MED12L: variants seen among roughly 807,000 people sequenced by gnomAD.
MED12L encodes mediator complex subunit 12L.
MED12L carries 60 observed loss-of-function variants against 281.3 expected under a neutral mutation model. The ratio of observed to expected loss-of-function variants is 0.21; its 90% CI spans 0.17 to 0.26. MED12L has a LOEUF of 0.26. Among genes scored for constraint, MED12L ranks in the 10% least tolerant of loss-of-function variants. MED12L has a pLI of 1.00. For missense variants in MED12L, 2,146 were observed against 2,680.9 expected (o/e 0.80, Z 4.41); for synonymous variants, 974 against 987.2 (o/e 0.99, Z 0.25).
Position 151,360,459 on chromosome 3 carries a change from T to C in MED12L, c.2826-15T>C, listed in dbSNP as rs1447882953. On this transcript the variant is annotated splice_polypyrimidine_tract_variant and intron_variant, in intron 20 of 44. Transcript: ENST00000687756. ...CAAATCTATGTCTTATTTCTTCGTA[T>C]ATTTTTCTCCTCAGGTTGTGTGGTG... 1.1e-5 allele frequency: 18 copies of C among 1,609,038 alleles called. No individual in the cohort carries two copies.
intron 16 of MED12L, among the ~76,000 whole-genome samples, chr3:151,203,795 A>G (rs533147141): frequency 1.4e-3 from 210 of 152,124 alleles, no homozygotes; most frequent in Non-Finnish European, 2.6e-3. Flanking sequence ...AATTTTTTCT[A>G]TGCTTATGTA....
intron 16 of MED12L, among the ~76,000 whole-genome samples, chr3:151,239,363 T>A (rs1207742075): frequency 6.6e-6 from 1 of 152,158 alleles, no homozygotes; most frequent in Non-Finnish European, 1.5e-5. Flanking sequence ...AAGAAGAAAA[T>A]CCAGAAGGCC....
intron 16 of MED12L, among the ~76,000 whole-genome samples, chr3:151,285,755 C>T (rs987865009): frequency 6.6e-6 from 1 of 151,948 alleles, no homozygotes; most frequent in Non-Finnish European, 1.5e-5. Flanking sequence ...GAGGTGGGGC[C>T]TTTGGGAGGT....
Position 151,105,242 on chromosome 3 carries a change from C to G in MED12L, c.100-11096C>G, listed in dbSNP as rs2148676861. The stretch of plus-strand genomic sequence containing the variant: ...TTCTTCCTGTTAGCTTCAATTGCTT[C>G]CTTCATCGCCTTCTTCCTTGTGTGA... On this transcript the variant is annotated intron_variant, in intron 2 of 44. Coordinates refer to ENST00000687756, the MANE Select transcript of MED12L (RefSeq NM_001393769.1). Among the ~76,000 whole-genome samples, 3 of 152,268 alleles carry G rather than the reference C, an allele frequency of 2.0e-5. No individual in the cohort carries two copies. In the Middle Eastern group the frequency reaches 0.01, roughly 518 times the overall value.
Position 151,383,886 on chromosome 3 carries a change from C to A in MED12L, c.4788C>A (p.Asn1596Lys). The A allele has an allele frequency of 6.2e-7, 1 of 1,610,958 alleles. No individual in the cohort carries two copies. The highest frequency in any genetic ancestry group is 8.5e-7 in the Non-Finnish European group (1 of 1,177,446). The change falls in exon 34 of 45, where the codon AAC (asparagine) becomes AAA (lysine). Residue 1596 changes from asparagine to lysine, a missense_variant and splice_region_variant. By Grantham distance (94) the Asn-to-Lys change is moderately conservative. Around this residue, in one of 9 missense-constraint regions of MED12L, gnomAD observed 212 missense variants for 340.8 expected, o/e 0.62. Coordinates refer to ENST00000687756, the MANE Select transcript of MED12L (RefSeq NM_001393769.1). Reference sequence around the variant, plus strand: ...CAGGAACTGTTGACATGCACACTAACAAGTATGTTTTTATCACTTCACATT... The same window carrying A: ...CAGGAACTGTTGACATGCACACTAAAAAGTATGTTTTTATCACTTCACATT... ...ITSGTVDMHT[N>K]NELFTTVLDM...
At chr3:151,109,021 T>C (rs1218888856) in intron 2 of MED12L, among the ~76,000 whole-genome samples, 1 of 152,162 alleles carries the variant, frequency 6.6e-6, no homozygotes, top group Non-Finnish European at 1.5e-5. Context: ...ATGAGATTTA[T>C]GGATGCAGTT....
At chr3:151,151,031 C>CTTTTTTTGTTTTTTTTTTTTTT (rs1718402674) in intron 5 of MED12L, among the ~76,000 whole-genome samples, 1 of 32,880 alleles carries the variant, frequency 3.0e-5, no homozygotes, top group African/African-American at 1.2e-4. Context: ...GCTGAAGTAG[C>CTTTTTTTGTTTTTTTTTTTTTT]TTTTTTTTTT....
intron 25 of MED12L, among the ~76,000 whole-genome samples, chr3:151,369,053 AC>A (rs1336887879): frequency 6.6e-6 from 1 of 151,968 alleles, no homozygotes; most frequent in Non-Finnish European, 1.5e-5. Flanking sequence ...GAGCCACCGC[AC>A]CCATCCCTCA....
chr3:151,249,458 A>T (rs1736419536), intron 16 of MED12L, among the ~76,000 whole-genome samples: 1 of 152,136 alleles, frequency 6.6e-6, no homozygotes, highest in African/African-American at 2.4e-5. Context: ...CTGTTTAAGT[A>T]GGTGTTAACT....
At chr3:151,421,163 G>C (rs1718204346) in intron 43 of MED12L, among the ~76,000 whole-genome samples, 1 of 152,144 alleles carries the variant, frequency 6.6e-6, no homozygotes, top group Non-Finnish European at 1.5e-5. Flanking sequence ...TGGGCCCATT[G>C]AGGAATGACA....
At chr3:151,346,258 T>TATA (rs1752523552) in intron 16 of MED12L, among the ~76,000 whole-genome samples, 2 of 152,326 alleles carry the variant, frequency 1.3e-5, no homozygotes, top group South Asian at 2.1e-4. Flanking sequence ...CATTGTCTCT[T>TATA]ATATCCTTTA....
chr3:151,359,532 C>A (rs1000390935), intron 20 of MED12L, among the ~76,000 whole-genome samples: 13 of 152,228 alleles, frequency 8.5e-5, no homozygotes, highest in African/African-American at 2.6e-4. Context: ...TTTGCCCTTT[C>A]CCCTGAATAG....
chr3:151,349,957 G>A (rs1435423984), intron 16 of MED12L, 102 bp from the exon 17 acceptor site: 12 of 1,068,550 alleles, frequency 1.1e-5, no homozygotes, highest in South Asian at 4.2e-5. Context: ...TGCCACCACC[G>A]CAAGCCAGCA....
chr3:151,381,945 A>G (rs78777356), intron 32 of MED12L, among the ~76,000 whole-genome samples: 5,512 of 152,268 alleles, frequency 0.036, 171 homozygotes, highest in Admixed American at 0.085. Context: ...ACCATATTTC[A>G]GAGCATGATA....
At chr3:151,299,909 G>C (rs1465290114) in intron 16 of MED12L, among the ~76,000 whole-genome samples, 1 of 152,166 alleles carries the variant, frequency 6.6e-6, no homozygotes, top group Non-Finnish European at 1.5e-5. Flanking sequence ...ATACTGTCCT[G>C]CATGTTTGCT....
chr3:151,218,425 AT>A (rs1308884819), intron 16 of MED12L, among the ~76,000 whole-genome samples: 10 of 152,236 alleles, frequency 6.6e-5, no homozygotes, highest in Non-Finnish European at 1.3e-4. Context: ...AGCCCTGCTC[AT>A]TGATAGTTAC....
intron 5 of MED12L, among the ~76,000 whole-genome samples, chr3:151,134,376 G>A (rs756184038): frequency 7.9e-5 from 12 of 152,160 alleles, no homozygotes; most frequent in Non-Finnish European, 1.6e-4. Flanking sequence ...AAAGAGATAC[G>A]TTATTCTCAT....
intron 11 of MED12L, among the ~76,000 whole-genome samples, chr3:151,178,112 T>A (rs949856464): frequency 7.4e-6 from 1 of 134,550 alleles, no homozygotes; most frequent in Non-Finnish European, 1.5e-5. Flanking sequence ...GAGCTGAGGT[T>A]GTGCCACTAC....
In MED12L at chr3:151,124,508, C is replaced by A. The variant is rs571996638; in HGVS notation, c.396+1534C>A. Reference sequence around the variant, plus strand: ...TATCATCTTCTTGAGATGGTGAAATCTCTTTTAGAATGGGGTAAAGCAATA... The same window carrying A: ...TATCATCTTCTTGAGATGGTGAAATATCTTTTAGAATGGGGTAAAGCAATA... On this transcript the variant is annotated intron_variant, in intron 4 of 44. Transcript: ENST00000687756. 2.0e-5 allele frequency among the ~76,000 whole-genome samples: 3 copies of A among 152,318 alleles called. No individual in the cohort carries two copies. The South Asian group carries it at 6.2e-4, about 32-fold the overall frequency.
Sources: gnomAD v4.1 joint callset for allele counts (sites outside exome capture counted in the v4.1 genomes callset) on GRCh38, gnomAD v4.1.1 for gene constraint, gnomAD v4.1.1 regional missense constraint, MANE v1.5 for transcripts, NCBI Gene and HGNC (gene_info 2026-07-23, HGNC 2026-07-21) for gene names.